P2RY14: variants seen among roughly 807,000 people sequenced by gnomAD.
P2RY14 encodes the protein purinergic receptor P2Y14, also known as P2Y purinoceptor 14.
P2RY14 carries 2 observed loss-of-function variants against 0.9 expected under a neutral mutation model. The observed-to-expected ratio is 2.16, with a 90% confidence interval of 0.88 to 6.79. P2RY14 has a LOEUF of 6.79. Ranked by LOEUF, P2RY14 falls within the 30% of genes most tolerant of loss-of-function variation. P2RY14 has a pLI of 0.05. For missense variants in P2RY14, 378 were observed against 400.1 expected, an observed-to-expected ratio of 0.94 and a Z score of 0.47; for synonymous variants, 158 against 147.2, an observed-to-expected ratio of 1.07 and a Z score of -0.53.
intron 2 of P2RY14, among the ~76,000 whole-genome samples, chr3:151,216,673 C>T (rs1308470384): frequency 6.6e-6 from 1 of 152,196 alleles, no homozygotes; most frequent in African/African-American, 2.4e-5. Flanking sequence ...TTCCTCTTCC[C>T]TGTAGCCTTG....
At chr3:151,226,226 A>G (rs1306596825) in intron 1 of P2RY14, among the ~76,000 whole-genome samples, 1 of 152,230 alleles carries the variant, frequency 6.6e-6, no homozygotes, top group African/African-American at 2.4e-5. Flanking sequence ...GAAGATTGAC[A>G]AATGAGTTGG....
chr3:151,240,243 G>A (rs1356286617), intron 1 of P2RY14, among the ~76,000 whole-genome samples: 8 of 152,282 alleles, frequency 5.3e-5, no homozygotes, highest in South Asian at 4.1e-4. Context: ...CTGACACGAC[G>A]CCCAGTTTTT....
At chr3:151,248,891 T>A (rs1359099440) in intron 1 of P2RY14, 1 of 152,224 alleles carries the variant, frequency 6.6e-6, no homozygotes, top group African/African-American at 2.4e-5. Context: ...TTAGGTTCTC[T>A]GTAGGCAAGA....
chr3:151,214,261 A>G lies in P2RY14; in HGVS notation c.56T>C (p.Leu19Pro). The G allele has an allele frequency of 2.5e-6, 4 of 1,614,058 alleles. No homozygotes were observed. Among genetic ancestry groups the G allele is most frequent in the Non-Finnish European group, 2.5e-6 (3 of 1,179,942 alleles). Residue 19 changes from leucine to proline, a missense_variant, in exon 3 of 3, where the codon CTG (leucine) becomes CCG (proline). Physicochemically the swap from Leu to Pro is moderately conservative, Grantham distance 98. Transcript: ENST00000309170. ...CACAGGAATGATCTGCTGAGTGATC[A>G]GGAGGTTCTGAGAGCAGGATTCATC... ...PPDESCSQNL[L>P]ITQQIIPVLY...
At chr3:151,233,644 A>G (rs1559912859) in intron 1 of P2RY14, among the ~76,000 whole-genome samples, 1 of 152,216 alleles carries the variant, frequency 6.6e-6, no homozygotes, top group East Asian at 1.9e-4. Flanking sequence ...GAGGCAGGAG[A>G]ATCACTTGAA....
Position 151,237,174 on chromosome 3 carries a change from G to A in P2RY14, c.-132-17532C>T, listed in dbSNP as rs566807813. 2.2e-4 allele frequency among the ~76,000 whole-genome samples: 34 copies of A among 151,348 alleles called. 1 individual carries two copies. In the South Asian group the frequency reaches 4.8e-3, roughly 21 times the overall value. ...CTGCCTCAGCCTCCATAGTAGCTGG[G>A]ACTACAGGTGCATGCCACCACGCCC... On this transcript the variant is annotated intron_variant, in intron 1 of 2. Transcript: ENST00000309170.
chr3:151,259,514 G>C (rs1436984655), intron 1 of P2RY14, among the ~76,000 whole-genome samples: 1 of 152,188 alleles, frequency 6.6e-6, no homozygotes, highest in Non-Finnish European at 1.5e-5. Context: ...GTCTGTCTCA[G>C]GCAAACTGGG....
intron 1 of P2RY14, among the ~76,000 whole-genome samples, chr3:151,247,574 G>T (rs1735863348): frequency 7.2e-6 from 1 of 139,554 alleles, no homozygotes; most frequent in Non-Finnish European, 1.5e-5. Context: ...AGATCACATG[G>T]ACACAGGAAG....
chr3:151,261,915 C>CG (rs1473600617), intron 1 of P2RY14, among the ~76,000 whole-genome samples: 1 of 151,884 alleles, frequency 6.6e-6, no homozygotes, highest in Non-Finnish European at 1.5e-5. Flanking sequence ...TTAGTAGAGA[C>CG]GGGGTTTCAC....
chr3:151,253,457 G>T (rs1379783771), intron 1 of P2RY14, among the ~76,000 whole-genome samples: 8 of 152,066 alleles, frequency 5.3e-5, no homozygotes, highest in Non-Finnish European at 7.4e-5. Context: ...CCTTTGTTGG[G>T]CCGTTTCCTA....
intron 1 of P2RY14, 89 bp from the exon 2 acceptor site, chr3:151,219,731 A>C (rs759905547): frequency 3.3e-5 from 5 of 152,208 alleles, no homozygotes; most frequent in Non-Finnish European, 7.3e-5. Flanking sequence ...TCTTAAATTC[A>C]GCTTGTGTAA....
chr3:151,246,619 T>C (rs1470739983), intron 1 of P2RY14, among the ~76,000 whole-genome samples: 2 of 152,116 alleles, frequency 1.3e-5, no homozygotes, highest in Admixed American at 1.3e-4. Context: ...CAAAAATCAA[T>C]TCAAGATGGA....
In P2RY14 at chr3:151,260,798, CT is replaced by C. The variant is rs1021931635; in HGVS notation, c.-133+17488del. On this transcript the variant is annotated intron_variant, in intron 1 of 2. Transcript: ENST00000309170. ...CTGTATTCTTGTAAATAACTGTAAT[CT>C]TTTTTTTTCTCTTCAGAATACTGTT... Among the ~76,000 whole-genome samples, 7 of 151,818 alleles carry C rather than the reference CT, an allele frequency of 4.6e-5. No homozygotes were observed. The East Asian group carries it at 5.8e-4, about 13-fold the overall frequency.
chr3:151,226,269 T>TG (rs1211249744), intron 1 of P2RY14, among the ~76,000 whole-genome samples: 2 of 152,118 alleles, frequency 1.3e-5, no homozygotes, highest in Non-Finnish European at 2.9e-5. Flanking sequence ...GAAGGAGTTT[T>TG]GGGGTGAGAG....
chr3:151,259,471 C>G (rs1300959943), intron 1 of P2RY14, among the ~76,000 whole-genome samples: 1 of 152,148 alleles, frequency 6.6e-6, no homozygotes, highest in Non-Finnish European at 1.5e-5. Flanking sequence ...GAAAAGAGGA[C>G]TTAATTACAT....
chr3:151,227,292 A>G (rs1730710401), intron 1 of P2RY14, among the ~76,000 whole-genome samples: 1 of 152,204 alleles, frequency 6.6e-6, no homozygotes, highest in Non-Finnish European at 1.5e-5. Flanking sequence ...ACCAAAGCAT[A>G]AATTCGGCCC....
Position 151,213,570 on chromosome 3 carries a change from G to C in P2RY14, c.747C>G (p.Tyr249Ter). ...VFVFFVCFVP[Y>*]HIARIPYTKS... ...TTGTGTAGGGGATTCTGGCAATATGGTAAGGTACAAAACAGACAAAAAACA... is the reference window on the plus strand; with the variant it reads ...TTGTGTAGGGGATTCTGGCAATATGCTAAGGTACAAAACAGACAAAAAACA... Residue 249 changes from tyrosine (Y) to a stop codon, truncating the protein, a stop_gained, in exon 3 of 3, where the codon TAC becomes TAG. Transcript: ENST00000309170. LOFTEE classifies it high-confidence loss of function. 6.2e-7 allele frequency: 1 copy of C among 1,614,152 alleles called. No homozygotes were observed. The highest frequency in any genetic ancestry group is 1.1e-5 in the South Asian group (1 of 91,088).
rs1727465473 is a variant in P2RY14, at chr3:151,213,180, A to G, written c.*120T>C. The G allele has an allele frequency of 4.0e-6, 3 of 747,662 alleles. No individual in the cohort carries two copies. The highest frequency in any genetic ancestry group is 6.5e-6 in the Non-Finnish European group (3 of 463,474). The allele number at this position is 747,662 out of a possible 1,614,324, so 46.3% of individuals were successfully genotyped here. Reference sequence around the variant, plus strand: ...CTTATATTTGAATTTTATTGAACTAAATTGGATGGCAGTGCTAGAGATGAT... The same window carrying G: ...CTTATATTTGAATTTTATTGAACTAGATTGGATGGCAGTGCTAGAGATGAT... On this transcript the variant is annotated 3_prime_UTR_variant, in exon 3 of 3. Coordinates refer to ENST00000309170, the MANE Select transcript of P2RY14 (RefSeq NM_014879.4).
chr3:151,249,947 T>C (rs2149443868), intron 1 of P2RY14, among the ~76,000 whole-genome samples: 1 of 152,292 alleles, frequency 6.6e-6, no homozygotes, highest in East Asian at 1.9e-4. Context: ...GTTTCTTTCC[T>C]TCTGTCCTAG....
Sources: gnomAD v4.1 joint callset for allele counts (sites outside exome capture counted in the v4.1 genomes callset) on GRCh38, gnomAD v4.1.1 for gene constraint, MANE v1.5 for transcripts, NCBI Gene and HGNC (gene_info 2026-07-23, HGNC 2026-07-21) for gene names.